PACS1: variants seen among roughly 807,000 people sequenced by gnomAD.
The protein encoded by PACS1 is phosphofurin acidic cluster sorting protein 1.
In PACS1, 24 loss-of-function variants were observed where a neutral mutation model predicts 115.0. The observed-to-expected ratio is 0.21, with a 90% CI of 0.15 to 0.29. The LOEUF (loss-of-function observed/expected upper bound fraction) is 0.29. Among genes scored for constraint, PACS1 ranks in the 10% least tolerant of loss-of-function variants. The pLI is 1.00. For synonymous variants in PACS1, 453 were observed against 504.5 expected (o/e 0.90, Z 1.37); for missense variants, 838 against 1,251.2 (o/e 0.67, Z 4.98).
chr11:66,184,475 A>G (rs1022884234), intron 1 of PACS1, among the ~76,000 whole-genome samples: 2 of 152,210 alleles, frequency 1.3e-5, no homozygotes, highest in African/African-American at 4.8e-5. Flanking sequence ...TTTCTCCTTT[A>G]TCCTACAGTC....
chr11:66,232,282 TG>T lies in PACS1; in HGVS notation c.1731+7del, dbSNP rs762605664. ...CCACTGACTGGCAGGGCCAGGTAAG[TG>T]CTGAAACTGCGAGGCCATGTGGGGT... On this transcript the variant is annotated splice_region_variant and intron_variant, in intron 14 of 23. Coordinates refer to ENST00000320580, the MANE Select transcript of PACS1 (RefSeq NM_018026.4). The T allele has an allele frequency of 1.3e-6, 2 of 1,558,758 alleles. No individual in the cohort carries two copies. Among genetic ancestry groups the T allele is most frequent in the African/African-American group, 2.7e-5 (2 of 73,738 alleles).
intron 1 of PACS1, among the ~76,000 whole-genome samples, chr11:66,110,150 G>A (rs1267732928): frequency 6.6e-6 from 1 of 152,118 alleles, no homozygotes; most frequent in Non-Finnish European, 1.5e-5. Context: ...AAAGCATTGA[G>A]ATTGAGGGAG....
intron 2 of PACS1, among the ~76,000 whole-genome samples, chr11:66,200,395 G>A (rs922916665): frequency 1.6e-4 from 24 of 151,650 alleles, no homozygotes; most frequent in African/African-American, 4.4e-4. Context: ...TATCGCCTAC[G>A]AGAATCACAC....
chr11:66,207,534 A>ATG (rs1854970503), intron 2 of PACS1, among the ~76,000 whole-genome samples: 1 of 152,198 alleles, frequency 6.6e-6, no homozygotes, highest in South Asian at 2.1e-4. Flanking sequence ...AATCTCATAA[A>ATG]TGTGTGGGTC....
chr11:66,227,369 T>G (rs1855488393), intron 10 of PACS1, 135 bp from the exon 11 acceptor site: 2 of 603,364 alleles, frequency 3.3e-6, no homozygotes, highest in South Asian at 2.0e-5. Context: ...CCGGCCCACA[T>G]AAGAAAAAAG....
intron 1 of PACS1, among the ~76,000 whole-genome samples, chr11:66,092,169 C>T (rs1180175053): frequency 6.6e-6 from 1 of 152,100 alleles, no homozygotes; most frequent in African/African-American, 2.4e-5. Flanking sequence ...TTCTCCACAT[C>T]CTCTCCAGCA....
chr11:66,161,496 C>T (rs1355088876), intron 1 of PACS1, among the ~76,000 whole-genome samples: 9 of 152,014 alleles, frequency 5.9e-5, no homozygotes, highest in Non-Finnish European at 7.4e-5. Context: ...ATAAAGAAGG[C>T]ACTAGAGTGG....
At position 66,070,997 on chromosome 11, in the gene PACS1, C is replaced by T. The variant is rs982076410; in HGVS notation, c.356+155C>T. Among the ~76,000 whole-genome samples, 1 of 152,070 alleles carries T rather than the reference C, an allele frequency of 6.6e-6. No individual in the cohort carries two copies. The highest frequency in any genetic ancestry group is 1.5e-5 in the Non-Finnish European group (1 of 67,980). Reference sequence around the variant, plus strand: ...CCAGCCAGGCCTCCCGGGACTCCTGCCACGGGGACCCGCCCTCTCCTGGCA... The same window carrying T: ...CCAGCCAGGCCTCCCGGGACTCCTGTCACGGGGACCCGCCCTCTCCTGGCA... On this transcript the variant is annotated intron_variant, in intron 1 of 23. Transcript: ENST00000320580. This position sits in a 1 kb window ranked among gnomAD's most constrained non-coding sequence, Gnocchi z 5.9.
chr11:66,215,904 AT>A (rs1292951819), intron 4 of PACS1, among the ~76,000 whole-genome samples: 18 of 14,706 alleles, frequency 1.2e-3, no homozygotes, highest in Non-Finnish European at 3.1e-3. Context: ...CGTCTCAAAA[AT>A]AATAATAATA....
At chr11:66,221,581 G>T (rs1855348321) in intron 10 of PACS1, 1 of 210,344 alleles carries the variant, frequency 4.8e-6, no homozygotes, top group Admixed American at 5.4e-5. Flanking sequence ...GGGAGGCGGA[G>T]GTTGCAGTGA....
At chr11:66,187,755 G>T (rs1854417288) in intron 1 of PACS1, among the ~76,000 whole-genome samples, 1 of 152,134 alleles carries the variant, frequency 6.6e-6, no homozygotes, top group East Asian at 1.9e-4. Context: ...TGTGAACGGT[G>T]CTCGGTAAAC....
intron 1 of PACS1, among the ~76,000 whole-genome samples, chr11:66,176,217 TAAAC>T (rs1289142538): frequency 5.9e-5 from 9 of 152,174 alleles, no homozygotes; most frequent in Admixed American, 4.6e-4. Context: ...GGTAGTGTTT[TAAAC>T]AAACCACCCC....
intron 10 of PACS1, chr11:66,221,642 CAA>C (rs34313657): frequency 3.2e-4 from 32 of 101,572 alleles, no homozygotes; most frequent in Admixed American, 6.5e-4. Flanking sequence ...GAGATTCCCT[CAA>C]AAAAAAAAAA....
intron 1 of PACS1, among the ~76,000 whole-genome samples, chr11:66,119,777 A>G (rs768291427): frequency 3.9e-5 from 6 of 152,244 alleles, no homozygotes; most frequent in Non-Finnish European, 8.8e-5. Flanking sequence ...CCTGGAGAAC[A>G]GGAAATGCGG....
At position 66,230,795 on chromosome 11, in the gene PACS1, T is replaced by A; in HGVS notation, c.1491-10T>A. 6.2e-7 allele frequency: 1 copy of A among 1,614,054 alleles called. No homozygotes were observed. Among genetic ancestry groups the A allele is most frequent in the East Asian group, 2.2e-5 (1 of 44,878 alleles). On this transcript the variant is annotated splice_polypyrimidine_tract_variant and intron_variant, in intron 12 of 23. Coordinates refer to ENST00000320580, the MANE Select transcript of PACS1 (RefSeq NM_018026.4). ...GCTATTTCACCAGCCTTTTTCCACC[T>A]CCCTGGCAGCAAAGTGGAGGGGGTG...
intron 1 of PACS1, among the ~76,000 whole-genome samples, chr11:66,072,870 C>T (rs1006378273): frequency 6.6e-6 from 1 of 152,262 alleles, no homozygotes; most frequent in African/African-American, 2.4e-5. Context: ...GGAGCTGCAG[C>T]AGAGGGGCGT....
intron 2 of PACS1, among the ~76,000 whole-genome samples, chr11:66,195,527 C>T (rs1016513639): frequency 1.3e-5 from 2 of 152,120 alleles, no homozygotes; most frequent in African/African-American, 2.4e-5. Flanking sequence ...TTCCCCACTG[C>T]GTTTGCCATC....
At chr11:66,080,499 A>T (rs1037440941) in intron 1 of PACS1, among the ~76,000 whole-genome samples, 4 of 152,354 alleles carry the variant, frequency 2.6e-5, no homozygotes, top group Admixed American at 6.5e-5. Context: ...AGTGAAGCTG[A>T]TGACCAGAGC....
chr11:66,230,296 C>T (rs992372374), intron 11 of PACS1: 4 of 514,178 alleles, frequency 7.8e-6, no homozygotes, highest in Non-Finnish European at 1.4e-5. Context: ...CTTCTTGTGC[C>T]AGCAGGTCGT....
Sources: gnomAD v4.1 joint callset for allele counts (sites outside exome capture counted in the v4.1 genomes callset) on GRCh38, gnomAD v4.1.1 for gene constraint, Gnocchi (gnomAD v3.1) non-coding constraint, MANE v1.5 for transcripts, NCBI Gene and HGNC (gene_info 2026-07-23, HGNC 2026-07-21) for gene names.